The following CLPP variants were observed in gnomAD, a reference collection of about 807,000 sequenced individuals.
The protein encoded by CLPP is caseinolytic mitochondrial matrix peptidase proteolytic subunit.
Under a neutral mutation model 27.4 loss-of-function variants are expected in CLPP, and 14 were observed. That is an observed-to-expected ratio of 0.51 (90% CI 0.34 to 0.80). CLPP has a LOEUF of 0.80. CLPP is among the 30% of genes least tolerant of loss of function. The pLI, the probability that CLPP is intolerant of heterozygous loss-of-function variation, is 0.02. For missense variants in CLPP, 361 were observed against 403.6 expected (o/e 0.89, Z 0.90); for synonymous variants, 193 against 166.6 (o/e 1.16, Z -1.22).
Position 6,362,561 on chromosome 19 carries a change from G to T in CLPP, c.367+19G>T. ...AGCCCTGGTGAGCAGGGTCTTTCCT[G>T]GGTGCCAGGGGCACTCGTCAGGGCA... On this transcript the variant is annotated intron_variant, in intron 3 of 5. Transcript: ENST00000245816. 6.4e-7 allele frequency: 1 copy of T among 1,558,846 alleles called. No individual in the cohort carries two copies. The highest frequency in any genetic ancestry group is 1.1e-5 in the South Asian group (1 of 90,000).
intron 3 of CLPP, among the ~76,000 whole-genome samples, chr19:6,364,020 C>T (rs948619155): frequency 2.7e-5 from 4 of 150,400 alleles, no homozygotes; most frequent in African/African-American, 7.5e-5. Flanking sequence ...AGCAGTGAAA[C>T]CCAGTCTTAA....
At chr19:6,366,694 A>G (rs2145053503) in intron 5 of CLPP, among the ~76,000 whole-genome samples, 1 of 152,104 alleles carries the variant, frequency 6.6e-6, no homozygotes, top group Non-Finnish European at 1.5e-5. Context: ...GCTGGAATGC[A>G]GTGGCATGAT....
intron 2 of CLPP, 98 bp from the exon 3 acceptor site, chr19:6,362,348 C>A: frequency 1.2e-6 from 1 of 811,350 alleles, no homozygotes; most frequent in Non-Finnish European, 2.1e-6. Flanking sequence ...ACTTTGGGCT[C>A]TGGTCCCCCT....
rs1285289116 is a variant in CLPP at position 6,369,852 on chromosome 19, AGGAGGGATGTGAACCAT to A, written c.*1149_*1165del. ...GATCATAAAAGGCCTGACATCTAAA[AGGAGGGATGTGAACCAT>A]GGAGGGTTTTGAGAAGAGGAAGGAA... On this transcript the variant is annotated 3_prime_UTR_variant, in exon 6 of 6. Coordinates refer to ENST00000245816, the MANE Select transcript of CLPP (RefSeq NM_006012.4). Among the ~76,000 whole-genome samples the A allele has an allele frequency of 6.6e-6, 1 of 152,156 alleles. No individual in the cohort carries two copies. The highest frequency in any genetic ancestry group is 1.5e-5 in the Non-Finnish European group (1 of 68,022).
Position 6,361,549 on chromosome 19 carries a change from G to A in CLPP, c.-26G>A. ...GGAAGCTGTAGTTCCGCCATCGGACGGAAGCCGACCGGGGCGTGCGGAGGG... is the reference window on the plus strand; with the variant it reads ...GGAAGCTGTAGTTCCGCCATCGGACAGAAGCCGACCGGGGCGTGCGGAGGG... On this transcript the variant is annotated 5_prime_UTR_variant, in exon 1 of 6. Transcript: ENST00000245816. 7.2e-7 allele frequency: 1 copy of A among 1,382,574 alleles called. No individual in the cohort carries two copies. The highest frequency in any genetic ancestry group is 1.5e-5 in the African/African-American group (1 of 65,406). The allele number at this position is 1,382,574 out of a possible 1,614,324, so 85.6% of individuals were successfully genotyped here. A position where few individuals can be genotyped will look rare whatever the true frequency, so the allele number is the denominator to read the frequency against.
chr19:6,364,354 G>T (rs987271592), intron 3 of CLPP, 98 bp from the exon 4 acceptor site: 16 of 1,113,334 alleles, frequency 1.4e-5, no homozygotes, highest in African/African-American at 6.3e-5. Flanking sequence ...AAAAGGAGGG[G>T]GGCTGCATCT....
rs1419968586 is a variant in CLPP at position 6,364,659 on chromosome 19, G to A, written c.555+20G>A. 6.3e-7 allele frequency: 1 copy of A among 1,599,394 alleles called. No individual in the cohort carries two copies. The highest frequency in any genetic ancestry group is 8.5e-7 in the Non-Finnish European group (1 of 1,174,168). ...GCCCGGGTGAGTGCCAGACACGCGA[G>A]CTGCTGTTGGGAATCAGGACAGGGT... On this transcript the variant is annotated intron_variant, in intron 4 of 5. Coordinates refer to ENST00000245816, the MANE Select transcript of CLPP (RefSeq NM_006012.4).
At chr19:6,368,510 T>C (rs369428315) in intron 5 of CLPP, 28 bp from the exon 6 acceptor site, 17 of 1,613,444 alleles carry the variant, frequency 1.1e-5, no homozygotes, top group Middle Eastern at 1.6e-4. Context: ...CTTACCCTAA[T>C]GTGTCTCACC....
At chr19:6,368,256 A>G (rs1478473215) in intron 5 of CLPP, among the ~76,000 whole-genome samples, 1 of 152,048 alleles carries the variant, frequency 6.6e-6, no homozygotes, top group Non-Finnish European at 1.5e-5. Context: ...CCTGGCTTGC[A>G]GACGGCCGCC....
intron 4 of CLPP, among the ~76,000 whole-genome samples, chr19:6,365,664 T>C (rs936894089): frequency 2.1e-5 from 3 of 144,334 alleles, no homozygotes; most frequent in African/African-American, 7.8e-5. Flanking sequence ...CTACCAAATA[T>C]TTAAAATGAC....
intron 5 of CLPP, 124 bp downstream of exon 5, chr19:6,366,487 G>C (rs1158475752): frequency 3.1e-6 from 2 of 646,286 alleles, no homozygotes; most frequent in Admixed American, 2.8e-5. Flanking sequence ...GGGATGGGGG[G>C]ACCATCCCAG....
rs751839143 is a variant in CLPP, at chr19:6,368,564, A to G, written c.688A>G (p.Met230Val). ...IESAMERDRY[M>V]SPMEAQEFGI... ...GTCCGCCATGGAGAGGGACCGCTAC[A>G]TGAGCCCCATGGAGGCCCAGGAGTT... Residue 230 changes from methionine (M) to valine (V), a missense_variant, in exon 6 of 6, where the codon ATG becomes GTG. Around this residue, in one of 2 missense-constraint regions of CLPP, gnomAD observed 213 missense variants for 280.9 expected, o/e 0.76. Coordinates refer to ENST00000245816, the MANE Select transcript of CLPP (RefSeq NM_006012.4). 1.2e-6 allele frequency: 2 copies of G among 1,614,074 alleles called. No homozygotes were observed. The highest frequency in any genetic ancestry group is 1.7e-5 in the Admixed American group (1 of 60,006).
chr19:6,361,650 G>C lies in CLPP; in HGVS notation c.76G>C (p.Ala26Pro). 1 of 1,414,210 alleles carries C rather than the reference G, an allele frequency of 7.1e-7. No homozygotes were observed. 87.6% of individuals were successfully genotyped at this position (1,414,210 alleles called of 1,614,324 possible). A position where few individuals can be genotyped will look rare whatever the true frequency, so the allele number is the denominator to read the frequency against. ...CCCCGCGCTGGGGCCTCGCCTCGCC[G>C]CTCACTTTCCAGCGCAGCGGCCGCC... ...RYPALGPRLA[A>P]HFPAQRPPQR... Residue 26 changes from alanine to proline, a missense_variant, in exon 1 of 6, where the codon GCT (alanine) becomes CCT (proline). Physicochemically the swap from Ala to Pro is conservative, Grantham distance 27. Coordinates refer to ENST00000245816, the MANE Select transcript of CLPP (RefSeq NM_006012.4).
rs376206411 is a variant in CLPP at position 6,368,603 on chromosome 19, A to C, written c.727A>C (p.Lys243Gln). 2.4e-5 allele frequency: 39 copies of C among 1,613,724 alleles called. No homozygotes were observed. The highest frequency in any genetic ancestry group is 3.3e-5 in the Non-Finnish European group (39 of 1,179,920). ...MEAQEFGILD[K>Q]VLVHPPQDGE... ...GGCCCAGGAGTTTGGCATCTTAGAC[A>C]AGGTTCTGGTCCACCCTCCCCAGGA... Residue 243 changes from lysine to glutamine, a missense_variant, in exon 6 of 6, where the codon AAG becomes CAG. By Grantham distance (53) the Lys-to-Gln change is moderately conservative. Coordinates refer to ENST00000245816, the MANE Select transcript of CLPP (RefSeq NM_006012.4).
In CLPP at chr19:6,369,231, G is replaced by A. The variant is rs2091876418; in HGVS notation, c.*521G>A. Among the ~76,000 whole-genome samples the A allele has an allele frequency of 6.6e-6, 1 of 152,070 alleles. No individual in the cohort carries two copies. Among genetic ancestry groups the A allele is most frequent in the South Asian group, 2.1e-4 (1 of 4,832 alleles). On this transcript the variant is annotated 3_prime_UTR_variant, in exon 6 of 6. Transcript: ENST00000245816. ...AGGTCAGGAGATCGAGAACATCCTG[G>A]CTAACATGGTGAAACCCCATTTCTA...
rs577069012 is a variant in CLPP, at chr19:6,364,890, G to T, written c.555+251G>T. On this transcript the variant is annotated intron_variant, in intron 4 of 5. Coordinates refer to ENST00000245816, the MANE Select transcript of CLPP (RefSeq NM_006012.4). ...ACTACAGGCGCCCGCCACCACGCTC[G>T]GCTTTTTGTATTTTTAGTGGAGACG... The T allele has an allele frequency of 1.0e-5, 4 of 394,506 alleles. No homozygotes were observed. The East Asian group carries it at 2.0e-4, about 19-fold the overall frequency. 24.4% of individuals were successfully genotyped at this position (394,506 alleles called of 1,614,324 possible). A position where few individuals can be genotyped will look rare whatever the true frequency, so the allele number is the denominator to read the frequency against.
intron 4 of CLPP, chr19:6,365,143 C>T (rs2091855893): frequency 6.6e-6 from 1 of 150,522 alleles, no homozygotes; most frequent in Non-Finnish European, 1.5e-5. Context: ...AGTTCGAGGC[C>T]AGCCAGGGGA....
Position 6,364,566 on chromosome 19 carries a change from C to T in CLPP, c.482C>T (p.Ala161Val). The T allele has an allele frequency of 6.2e-7, 1 of 1,613,318 alleles. No individual in the cohort carries two copies. Among genetic ancestry groups the T allele is most frequent in the Non-Finnish European group, 8.5e-7 (1 of 1,179,918 alleles). ...AASMGSLLLA[A>V]GTPGMRHSLP... ...AGCATGGGCTCCCTGCTTCTCGCCG[C>T]CGGCACCCCAGGCATGCGCCACTCG... is the stretch of plus-strand genomic sequence containing the variant. The change falls in exon 4 of 6, where the codon GCC becomes GTC. Residue 161 changes from alanine (A) to valine (V), a missense_variant. Physicochemically the swap from Ala to Val is moderately conservative, Grantham distance 64. Coordinates refer to ENST00000245816, the MANE Select transcript of CLPP (RefSeq NM_006012.4).
At chr19:6,362,063 C>T (rs2091837636) in intron 2 of CLPP, 123 bp downstream of exon 2, 9 of 902,164 alleles carry the variant, frequency 1.0e-5, no homozygotes, top group Non-Finnish European at 1.5e-5. Context: ...AACCCCCTTC[C>T]CTCCCCTTCT....
Sources: allele counts gnomAD v4.1 joint callset (sites outside exome capture counted in the v4.1 genomes callset), GRCh38; gene constraint gnomAD v4.1.1; regional missense constraint gnomAD v4.1.1; transcripts MANE v1.5; gene names NCBI Gene and HGNC (gene_info 2026-07-23, HGNC 2026-07-21).